Variants in TCF12 observed in about 807,000 individuals in gnomAD.
TCF12 encodes the protein transcription factor 12, also known as DNA-binding protein HTF4.
Under a neutral mutation model 86.0 loss-of-function variants are expected in TCF12, and 45 were observed. The observed-to-expected ratio is 0.52, with a 90% CI of 0.41 to 0.67. The LOEUF is 0.67. TCF12 is among the 30% of genes least tolerant of loss of function. The pLI, the probability that TCF12 is intolerant of heterozygous loss-of-function variation, is 0.00. For synonymous variants in TCF12, 330 were observed against 299.6 expected, an observed-to-expected ratio of 1.10 and a Z score of -1.05; for missense variants, 881 against 859.9, an observed-to-expected ratio of 1.02 and a Z score of -0.31.
chr15:56,935,145 T>G (rs970479084), intron 3 of TCF12, among the ~76,000 whole-genome samples: 1 of 152,188 alleles, frequency 6.6e-6, no homozygotes, highest in Non-Finnish European at 1.5e-5. Context: ...GCTAATTGCT[T>G]GCTGTGTAAT....
intron 4 of TCF12, among the ~76,000 whole-genome samples, chr15:57,086,814 A>G (rs1226058970): frequency 3.9e-5 from 6 of 152,138 alleles, no homozygotes; most frequent in African/African-American, 1.4e-4. Flanking sequence ...CAAAGAAATA[A>G]CAACATAGGT....
At chr15:57,209,350 G>A (rs146871012) in intron 8 of TCF12, among the ~76,000 whole-genome samples, 61 of 152,226 alleles carry the variant, frequency 4.0e-4, no homozygotes, top group African/African-American at 1.4e-3. Flanking sequence ...GAAAATTACA[G>A]GTAATTCAGC....
intron 3 of TCF12, among the ~76,000 whole-genome samples, chr15:56,984,001 CAA>C (rs71113046): frequency 4.6e-5 from 2 of 43,054 alleles, no homozygotes; most frequent in African/African-American, 9.7e-5. Context: ...GACCCTGTCT[CAA>C]AAAAAAAAAA....
chr15:56,959,875 C>G (rs1436324418), intron 3 of TCF12, among the ~76,000 whole-genome samples: 3 of 152,126 alleles, frequency 2.0e-5, no homozygotes, highest in African/African-American at 7.2e-5. Flanking sequence ...TCACAGGCAT[C>G]TGTGTCAATT....
chr15:57,208,505 C>A (rs909886379), intron 8 of TCF12, among the ~76,000 whole-genome samples: 1 of 149,630 alleles, frequency 6.7e-6, no homozygotes. Flanking sequence ...ACCTCAGCCT[C>A]CCGAGTAGCT....
chr15:57,173,457 T>C (rs536084841), intron 6 of TCF12, among the ~76,000 whole-genome samples: 50 of 152,122 alleles, frequency 3.3e-4, no homozygotes, highest in East Asian at 7.7e-4. Flanking sequence ...ATTTGGCTAT[T>C]TGAAATAAAT....
At chr15:57,279,864 CTT>C (rs1409559646) in intron 19 of TCF12, among the ~76,000 whole-genome samples, 1 of 144,404 alleles carries the variant, frequency 6.9e-6, no homozygotes, top group East Asian at 2.1e-4. Context: ...TTATATGAGA[CTT>C]TAACCTCCAC....
At chr15:56,981,336 T>G (rs1464841173) in intron 3 of TCF12, among the ~76,000 whole-genome samples, 1 of 152,228 alleles carries the variant, frequency 6.6e-6, no homozygotes, top group Admixed American at 6.5e-5. Flanking sequence ...GATGAAGCCA[T>G]GCATTGATGC....
chr15:56,948,269 CTTTTTAAATGA>C (rs1198133681), intron 3 of TCF12, among the ~76,000 whole-genome samples: 1 of 151,794 alleles, frequency 6.6e-6, no homozygotes, highest in Non-Finnish European at 1.5e-5. Flanking sequence ...CCTGAAAATG[CTTTTTAAATGA>C]TGGTGCAGTG....
Position 57,262,100 on chromosome 15 carries a change from A to G in TCF12, c.1474A>G (p.Thr492Ala), listed in dbSNP as rs565996908. The change falls in exon 17 of 21, where the codon ACT (threonine) becomes GCT (alanine). Residue 492 changes from threonine to alanine, a missense_variant. This residue lies in a region of TCF12 where 766 missense variants were observed against 718.9 expected (regional missense o/e 1.07). Transcript: ENST00000333725. Reference sequence around the variant, plus strand: ...GGGTTTTCCTTAACTTTAGGTTGGAACTCATCGGGAAGACTCTGTCAGTCT... The same window carrying G: ...GGGTTTTCCTTAACTTTAGGTTGGAGCTCATCGGGAAGACTCTGTCAGTCT... Reference protein sequence around the residue: ...ASSRSASMVGTHREDSVSLNG... With the variant: ...ASSRSASMVGAHREDSVSLNG... 34 of 1,610,138 alleles carry G rather than the reference A, an allele frequency of 2.1e-5. No individual in the cohort carries two copies. Among genetic ancestry groups the G allele is most frequent in the Non-Finnish European group, 2.7e-5 (32 of 1,177,932 alleles).
intron 3 of TCF12, among the ~76,000 whole-genome samples, chr15:57,058,881 C>A (rs2068231478): frequency 6.6e-6 from 1 of 152,018 alleles, no homozygotes; most frequent in Non-Finnish European, 1.5e-5. Flanking sequence ...AATAAAAAAT[C>A]TTGGTGTTGG....
chr15:56,972,757 TAAAA>T (rs535298894), intron 3 of TCF12, among the ~76,000 whole-genome samples: 1 of 151,994 alleles, frequency 6.6e-6, no homozygotes, highest in Non-Finnish European at 1.5e-5. Context: ...TTCTCATACT[TAAAA>T]AAATCACAGA....
chr15:57,234,008 A>G (rs1201776645), intron 11 of TCF12, 35 bp from the exon 12 acceptor site: 3 of 1,581,998 alleles, frequency 1.9e-6, no homozygotes, highest in East Asian at 4.5e-5. Flanking sequence ...ACTTGCTTGT[A>G]AAATTCTTGA....
At chr15:57,175,733 C>T (rs556644551) in intron 6 of TCF12, among the ~76,000 whole-genome samples, 46 of 152,336 alleles carry the variant, frequency 3.0e-4, no homozygotes, top group Middle Eastern at 6.8e-3. Flanking sequence ...TAAACCAACT[C>T]ATTCAGAGAA....
At chr15:57,162,582 CTT>C (rs1467229740) in intron 5 of TCF12, among the ~76,000 whole-genome samples, 1 of 152,088 alleles carries the variant, frequency 6.6e-6, no homozygotes, top group African/African-American at 2.4e-5. Context: ...TCAGAAGAAA[CTT>C]TTACTTTGTA....
intron 3 of TCF12, among the ~76,000 whole-genome samples, chr15:56,983,941 G>T (rs2063018836): frequency 7.4e-6 from 1 of 135,144 alleles, no homozygotes; most frequent in Non-Finnish European, 1.5e-5. Context: ...GGTCAAGGCT[G>T]CAGTAAACTA....
At chr15:57,004,192 A>G in intron 3 of TCF12, among the ~76,000 whole-genome samples, 1 of 151,980 alleles carries the variant, frequency 6.6e-6, no homozygotes, top group East Asian at 1.9e-4. Flanking sequence ...AAATTGAGCT[A>G]AAGAACCTAA....
chr15:57,254,857 C>CAAAAAAAAA (rs777934020), intron 16 of TCF12, among the ~76,000 whole-genome samples: 2 of 102,582 alleles, frequency 1.9e-5, no homozygotes, highest in African/African-American at 4.6e-5. Flanking sequence ...GACCCTGTCT[C>CAAAAAAAAA]AAAAAAAAAA....
intron 6 of TCF12, among the ~76,000 whole-genome samples, chr15:57,187,852 C>T (rs1249678956): frequency 2.0e-5 from 3 of 152,098 alleles, no homozygotes; most frequent in African/African-American, 7.2e-5. Flanking sequence ...ATCGCTTGAA[C>T]CTGGGAGGTG....
Sources: gnomAD v4.1 joint callset for allele counts (sites outside exome capture counted in the v4.1 genomes callset) on GRCh38, gnomAD v4.1.1 for gene constraint, gnomAD v4.1.1 regional missense constraint, MANE v1.5 for transcripts, NCBI Gene and HGNC (gene_info 2026-07-23, HGNC 2026-07-21) for gene names.